VSIR: variants seen among roughly 807,000 people sequenced by gnomAD.
VSIR encodes the protein V-type immunoglobulin domain-containing suppressor of T-cell activation.
In VSIR, 10 loss-of-function variants were observed where a neutral mutation model predicts 31.0. The observed-to-expected ratio is 0.32, with a 90% confidence interval of 0.20 to 0.55. The LOEUF (loss-of-function observed/expected upper bound fraction) is 0.55, where lower values mean the gene tolerates loss of function less well. VSIR is among the 20% of genes least tolerant of loss of function. The probability of loss-of-function intolerance (pLI) is 0.93; values close to 1 mark genes in which losing one functional copy is unlikely to be tolerated. For synonymous variants in VSIR, 179 were observed against 180.1 expected (o/e 0.99, Z 0.05); for missense variants, 356 against 416.2 (o/e 0.86, Z 1.26).
chr10:71,759,909 A>G (rs1840270886), intron 3 of VSIR, among the ~76,000 whole-genome samples: 1 of 98,586 alleles, frequency 1.0e-5, no homozygotes, highest in African/African-American at 3.5e-5. Context: ...ATATATACAC[A>G]CACACATATA....
Position 71,755,448 on chromosome 10 carries a change from AG to A in VSIR, c.586del (p.Leu196TrpfsTer8). The stretch of plus-strand genomic sequence containing the variant: ...TCCTACGATGCAGGCACCCGTAGCC[AG>A]GGCTGCAGCCGTGATGTCTGAAAGG... ...QDSENITAAALATGACIVGIL... is the reference protein window; with the variant it reads ...QDSENITAAAXATGACIVGIL... On this transcript the variant is annotated frameshift_variant, in exon 4 of 7. Transcript: ENST00000394957. LOFTEE classifies it high-confidence loss of function. The A allele has an allele frequency of 6.2e-7, 1 of 1,612,558 alleles. No homozygotes were observed. The highest frequency in any genetic ancestry group is 8.5e-7 in the Non-Finnish European group (1 of 1,179,550).
At chr10:71,758,803 G>T (rs758412317) in intron 3 of VSIR, among the ~76,000 whole-genome samples, 1 of 152,206 alleles carries the variant, frequency 6.6e-6, no homozygotes. Context: ...AAGGTGGGAA[G>T]ATCAATTGAG....
At chr10:71,759,403 A>G (rs1840237688) in intron 3 of VSIR, among the ~76,000 whole-genome samples, 1 of 152,016 alleles carries the variant, frequency 6.6e-6, no homozygotes, top group African/African-American at 2.4e-5. Context: ...GCTACTTGGG[A>G]GAATGAAGCA....
intron 1 of VSIR, among the ~76,000 whole-genome samples, chr10:71,770,948 G>T (rs1176875145): frequency 6.6e-6 from 1 of 152,178 alleles, no homozygotes; most frequent in Non-Finnish European, 1.5e-5. Flanking sequence ...AGAGCCTCTG[G>T]GCAGTGGGTT....
intron 3 of VSIR, among the ~76,000 whole-genome samples, chr10:71,759,736 C>T (rs937427942): frequency 1.3e-5 from 2 of 151,008 alleles, no homozygotes; most frequent in African/African-American, 4.9e-5. Flanking sequence ...CGCTTGAATC[C>T]GGGAGGCGGA....
At chr10:71,760,314 C>CATATATATAT (rs71018220) in intron 3 of VSIR, among the ~76,000 whole-genome samples, 1 of 82,418 alleles carries the variant, frequency 1.2e-5, no homozygotes, top group Non-Finnish European at 3.0e-5. Context: ...TATACACACA[C>CATATATATAT]ATATATATAT....
chr10:71,762,117 T>C, intron 1 of VSIR, 91 bp from the exon 2 acceptor site: 1 of 1,405,190 alleles, frequency 7.1e-7, no homozygotes, highest in South Asian at 1.5e-5. Context: ...CCTCTGCTAC[T>C]TCCCAGCCAC....
In VSIR at chr10:71,751,672, G is replaced by A. The variant is rs908056977; in HGVS notation, c.894C>T (p.Ser298=). ...TGAAGGTCAGGAAACACTTACCCAG[G>A]GATGGGAAGAAGACGTCTCCGGGGC... ...PPGPGDVFFP[S]LDPVPDSPNF... is the part of the protein sequence containing the mutation. Residue 298 remains serine (S), a synonymous_variant, in exon 6 of 7, where the codon TCC becomes TCT. Coordinates refer to ENST00000394957, the MANE Select transcript of VSIR (RefSeq NM_022153.2). This position sits in a 1 kb window ranked among gnomAD's most constrained non-coding sequence, Gnocchi z 4.9. 6.5e-6 allele frequency: 10 copies of A among 1,529,616 alleles called. No individual in the cohort carries two copies. The African/African-American group carries it at 1.2e-4, about 19-fold the overall frequency. 94.8% of individuals were successfully genotyped at this position (1,529,616 alleles called of 1,614,324 possible).
chr10:71,765,425 G>A (rs1328974429), intron 1 of VSIR, among the ~76,000 whole-genome samples: 1 of 152,226 alleles, frequency 6.6e-6, no homozygotes, highest in Non-Finnish European at 1.5e-5. Context: ...AAGCTGAGCT[G>A]GGTGGGGTTG....
chr10:71,756,650 G>A (rs1840156420), intron 3 of VSIR, among the ~76,000 whole-genome samples: 2 of 152,192 alleles, frequency 1.3e-5, no homozygotes, highest in African/African-American at 4.8e-5. Context: ...GGCATCTGCT[G>A]ACTGCAGGAG....
At position 71,751,288 on chromosome 10, in the gene VSIR, G is replaced by A. The variant is rs770888554; in HGVS notation, c.901C>T (p.Pro301Ser). The change falls in exon 7 of 7, where the codon CCT becomes TCT. Residue 301 changes from proline to serine, a missense_variant and splice_region_variant. Pro to Ser is a moderately conservative substitution (Grantham distance 74, BLOSUM62 -1). Coordinates refer to ENST00000394957, the MANE Select transcript of VSIR (RefSeq NM_022153.2). The surrounding 1 kb of genome is among the most constrained non-coding windows in gnomAD (Gnocchi z 4.9). ...TCAAAGTTTGGAGAGTCAGGGACAG[G>A]GTCTGCAAGAAAAGGAGAAGCAAAG... ...PGDVFFPSLD[P>S]VPDSPNFEVI The A allele has an allele frequency of 6.2e-7, 1 of 1,610,090 alleles. No homozygotes were observed. The highest frequency in any genetic ancestry group is 2.2e-5 in the East Asian group (1 of 44,798).
chr10:71,764,638 C>T (rs766768271), intron 1 of VSIR, among the ~76,000 whole-genome samples: 12 of 152,136 alleles, frequency 7.9e-5, no homozygotes, highest in Admixed American at 2.0e-4. Context: ...TGGGGGGCAC[C>T]GGCACTCCAG....
intron 3 of VSIR, among the ~76,000 whole-genome samples, chr10:71,756,580 A>C (rs987536486): frequency 2.0e-5 from 3 of 152,196 alleles, no homozygotes; most frequent in Non-Finnish European, 4.4e-5. Flanking sequence ...ATTGCCCTCC[A>C]AAAAGGTGTA....
intron 1 of VSIR, 61 bp from the exon 2 acceptor site, chr10:71,762,087 A>G: frequency 2.0e-6 from 3 of 1,500,690 alleles, no homozygotes; most frequent in South Asian, 1.3e-5. Flanking sequence ...TGGCAACCCC[A>G]GAGCGGGGAA....
chr10:71,761,217 T>C (rs558697325), intron 2 of VSIR, among the ~76,000 whole-genome samples: 2 of 152,054 alleles, frequency 1.3e-5, no homozygotes, highest in Non-Finnish European at 2.9e-5. Flanking sequence ...CACACACGCA[T>C]ATATTCTCCA....
At position 71,770,989 on chromosome 10, in the gene VSIR, G is replaced by T. The variant is rs183723210; in HGVS notation, c.82+2369C>A. ...TTTCCTAAGAGCTGACCATTGCTGC[G>T]TCAGAGGCTTGCAGCACTGGGTTAC... is the stretch of plus-strand genomic sequence containing the variant. On this transcript the variant is annotated intron_variant, in intron 1 of 6. Transcript: ENST00000394957. Among the ~76,000 whole-genome samples, 70 of 152,288 alleles carry T rather than the reference G, an allele frequency of 4.6e-4. 1 individual carries two copies. Among genetic ancestry groups the T allele is most frequent in the African/African-American group, 1.6e-3 (66 of 41,560 alleles).
rs1029081258 is a variant in VSIR, at chr10:71,751,065, G to A, written c.*188C>T. 4.7e-5 allele frequency: 32 copies of A among 676,572 alleles called. No individual in the cohort carries two copies. The highest frequency in any genetic ancestry group is 1.3e-4 in the South Asian group (6 of 46,364). The allele number at this position is 676,572 out of a possible 1,614,324, so 41.9% of individuals were successfully genotyped here. ...AAATCCTTGGAACAGGGGCTGAGCCGTCCAGCATCCCCATGTAGCATCCAG... is the reference window on the plus strand; with the variant it reads ...AAATCCTTGGAACAGGGGCTGAGCCATCCAGCATCCCCATGTAGCATCCAG... On this transcript the variant is annotated 3_prime_UTR_variant, in exon 7 of 7. Coordinates refer to ENST00000394957, the MANE Select transcript of VSIR (RefSeq NM_022153.2). This position sits in a 1 kb window ranked among gnomAD's most constrained non-coding sequence, Gnocchi z 4.9.
In VSIR at chr10:71,762,161, C is replaced by T. The variant is rs895568338; in HGVS notation, c.83-135G>A. The T allele has an allele frequency of 5.8e-6, 6 of 1,033,884 alleles. No individual in the cohort carries two copies. The African/African-American group carries it at 8.1e-5, about 14-fold the overall frequency. 64.0% of individuals were successfully genotyped at this position (1,033,884 alleles called of 1,614,324 possible). ...GGCATGTCAGCTGACCTCCCTAAGA[C>T]TGCCTTCTGCATTTGTTCACAAACC... is the stretch of plus-strand genomic sequence containing the variant. On this transcript the variant is annotated intron_variant, in intron 1 of 6. Transcript: ENST00000394957.
chr10:71,755,543 G>A (rs1054190723), intron 3 of VSIR, 77 bp from the exon 4 acceptor site: 2 of 1,372,258 alleles, frequency 1.5e-6, no homozygotes, highest in Non-Finnish European at 1.0e-6. Flanking sequence ...GGCTCAGAGA[G>A]GGAAGGCCAG....
Sources: allele counts gnomAD v4.1 joint callset (sites outside exome capture counted in the v4.1 genomes callset), GRCh38; gene constraint gnomAD v4.1.1; non-coding constraint Gnocchi (gnomAD v3.1); transcripts MANE v1.5; gene names NCBI Gene and HGNC (gene_info 2026-07-23, HGNC 2026-07-21).